The following CCDC158 variants were observed in gnomAD, a reference collection of about 807,000 sequenced individuals.
CCDC158 encodes coiled-coil domain containing 158.
A neutral mutation model predicts 138.6 loss-of-function variants in CCDC158; 116 were observed. That is an observed-to-expected ratio of 0.84 (90% CI 0.72 to 0.98). The LOEUF is 0.98. Among genes scored for constraint, CCDC158 ranks in the 50% least tolerant of loss-of-function variants. The pLI, the probability that CCDC158 is intolerant of heterozygous loss-of-function variation, is 0.00. For synonymous variants in CCDC158, 436 were observed against 442.4 expected, an observed-to-expected ratio of 0.99 and a Z score of 0.18; for missense variants, 1,265 against 1,306.1, an observed-to-expected ratio of 0.97 and a Z score of 0.48.
At chr4:76,373,846 A>G (rs1725472746) in intron 9 of CCDC158, among the ~76,000 whole-genome samples, 1 of 152,254 alleles carries the variant, frequency 6.6e-6, no homozygotes, top group Non-Finnish European at 1.5e-5. Flanking sequence ...AAGTACACGT[A>G]AAATATTAGA....
Position 76,334,021 on chromosome 4 carries a change from C to A in CCDC158, c.2811G>T (p.Leu937Phe), listed in dbSNP as rs769445662. The A allele has an allele frequency of 4.3e-6, 7 of 1,609,926 alleles. No homozygotes were observed. The highest frequency in any genetic ancestry group is 5.9e-6 in the Non-Finnish European group (7 of 1,177,464). Residue 937 changes from leucine (L) to phenylalanine (F), a missense_variant, in exon 19 of 25, where the codon TTG becomes TTT. Leu to Phe is a conservative substitution (Grantham distance 22). Coordinates refer to ENST00000682701, the MANE Select transcript of CCDC158 (RefSeq NM_001394954.1). ...GCACACAGCCTTACACAGCCACATACAAGGCTCCCAGAGATGTTCTTCCAT... is the reference window on the plus strand; with the variant it reads ...GCACACAGCCTTACACAGCCACATAAAAGGCTCCCAGAGATGTTCTTCCAT... The part of the protein sequence containing the change: ...EEDGRTSLGA[L>F]YVAVEDRVRD...
chr4:76,401,283 T>C (rs1728364235), intron 3 of CCDC158: 2 of 482,080 alleles, frequency 4.1e-6, no homozygotes, highest in Admixed American at 2.1e-5. Context: ...CATCAGACTT[T>C]CTATAAAAAG....
chr4:76,392,306 G>C (rs940769455), intron 4 of CCDC158, among the ~76,000 whole-genome samples: 4 of 151,980 alleles, frequency 2.6e-5, no homozygotes, highest in Admixed American at 2.0e-4. Flanking sequence ...TGGGATGCAA[G>C]GATGGTTAAA....
chr4:76,420,135 T>G (rs149278542), intron 1 of CCDC158, among the ~76,000 whole-genome samples: 1 of 151,814 alleles, frequency 6.6e-6, no homozygotes, highest in Non-Finnish European at 1.5e-5. Context: ...AGTACAGAGA[T>G]AGGAGGACCA....
intron 23 of CCDC158, among the ~76,000 whole-genome samples, chr4:76,324,183 T>A (rs1720307120): frequency 6.6e-6 from 1 of 152,016 alleles, no homozygotes; most frequent in African/African-American, 2.4e-5. Flanking sequence ...AGAAACAGTT[T>A]CTTGGAGAGT....
chr4:76,392,138 C>T (rs1191105079), intron 4 of CCDC158, among the ~76,000 whole-genome samples: 1 of 151,910 alleles, frequency 6.6e-6, no homozygotes, highest in Non-Finnish European at 1.5e-5. Flanking sequence ...AGTTATTACC[C>T]TGATACCAAA....
At position 76,413,444 on chromosome 4, in the gene CCDC158, C is replaced by T. The variant is rs76016074; in HGVS notation, c.-116-1312G>A. Among the ~76,000 whole-genome samples the T allele has an allele frequency of 5.6e-4, 80 of 143,532 alleles. No homozygotes were observed. The East Asian group carries it at 0.011, about 19-fold the overall frequency. The allele number at this position is 143,532 out of a possible 152,430, so 94.2% of individuals were successfully genotyped here. ...GAGCCGTGATCACACCACTGCACTC[C>T]AGCTTGGGCAACAGAGTGAGACCTT... On this transcript the variant is annotated intron_variant, in intron 1 of 24. Transcript: ENST00000682701.
At chr4:76,334,396 C>A (rs979446528) in intron 18 of CCDC158, among the ~76,000 whole-genome samples, 1 of 152,028 alleles carries the variant, frequency 6.6e-6, no homozygotes, top group African/African-American at 2.4e-5. Context: ...ACATATGGGG[C>A]CAAACTACTT....
At chr4:76,389,794 G>A (rs1727147387) in intron 4 of CCDC158, among the ~76,000 whole-genome samples, 1 of 152,158 alleles carries the variant, frequency 6.6e-6, no homozygotes, top group Admixed American at 6.5e-5. Flanking sequence ...CAGGCCAGGA[G>A]AGAGTGGCAT....
chr4:76,396,811 G>A (rs1320862399), intron 3 of CCDC158, among the ~76,000 whole-genome samples: 1 of 152,070 alleles, frequency 6.6e-6, no homozygotes, highest in Non-Finnish European at 1.5e-5. Flanking sequence ...GGGATTACAG[G>A]CATGAGCCAC....
chr4:76,366,463 T>A (rs907450), intron 12 of CCDC158, among the ~76,000 whole-genome samples: 4,465 of 152,226 alleles, frequency 0.029, 220 homozygotes, highest in African/African-American at 0.1. Context: ...TCAATTTTTT[T>A]AAAAAACCCA....
chr4:76,355,175 C>T (rs368256937), intron 15 of CCDC158, 149 bp downstream of exon 15: 5 of 591,546 alleles, frequency 8.5e-6, no homozygotes, highest in African/African-American at 5.5e-5. Context: ...TGCTCAAATG[C>T]TTTTCTAGGA....
intron 21 of CCDC158, among the ~76,000 whole-genome samples, chr4:76,330,471 C>T (rs947611503): frequency 1.2e-4 from 18 of 151,976 alleles, no homozygotes; most frequent in African/African-American, 3.1e-4. Flanking sequence ...GTATCATATA[C>T]CCAGGTGAGA....
intron 2 of CCDC158, chr4:76,407,199 G>GGGTC (rs1728897835): frequency 6.6e-6 from 1 of 152,012 alleles, no homozygotes; most frequent in Non-Finnish European, 1.5e-5. Context: ...TTATTAAACG[G>GGGTC]AATTCATTTT....
At chr4:76,397,171 G>A (rs1727895253) in intron 3 of CCDC158, among the ~76,000 whole-genome samples, 2 of 151,904 alleles carry the variant, frequency 1.3e-5, no homozygotes, top group Non-Finnish European at 2.9e-5. Context: ...AAGGAAGAGT[G>A]TATGTGTTTA....
chr4:76,393,857 G>A (rs1459304649), intron 4 of CCDC158, among the ~76,000 whole-genome samples: 1 of 152,020 alleles, frequency 6.6e-6, no homozygotes, highest in Non-Finnish European at 1.5e-5. Context: ...AAATACAAAT[G>A]GCATATAGGC....
intron 2 of CCDC158, among the ~76,000 whole-genome samples, chr4:76,409,699 C>T (rs962912140): frequency 3.9e-5 from 6 of 151,928 alleles, no homozygotes; most frequent in Admixed American, 2.0e-4. Context: ...GGTGTGGTGG[C>T]GGGCGCCTGT....
chr4:76,333,884 TG>T, intron 19 of CCDC158, 125 bp downstream of exon 19: 1 of 561,018 alleles, frequency 1.8e-6, no homozygotes, highest in Non-Finnish European at 2.9e-6. Flanking sequence ...TTATTTTCTG[TG>T]GTAGTAACTT....
chr4:76,393,430 A>G (rs937486776), intron 4 of CCDC158, among the ~76,000 whole-genome samples: 15 of 152,144 alleles, frequency 9.9e-5, no homozygotes, highest in African/African-American at 3.6e-4. Flanking sequence ...GGATATCCAT[A>G]TGCAGAGGAA....
Sources: allele counts gnomAD v4.1 joint callset (sites outside exome capture counted in the v4.1 genomes callset), GRCh38; gene constraint gnomAD v4.1.1; transcripts MANE v1.5; gene names NCBI Gene and HGNC (gene_info 2026-07-23, HGNC 2026-07-21).